AEBP1: variants seen among roughly 807,000 people sequenced by gnomAD.
AEBP1 encodes the protein adipocyte enhancer-binding protein 1.
In AEBP1, 69 loss-of-function variants were observed where a neutral mutation model predicts 116.5. That is an observed-to-expected ratio of 0.59 (90% CI 0.49 to 0.72). The LOEUF is 0.72. Ranked by LOEUF, AEBP1 falls within the 30% of genes least tolerant of loss-of-function variation. The pLI is 0.00. For missense variants in AEBP1, 1,444 were observed against 1,557.5 expected (o/e 0.93, Z 1.23); for synonymous variants, 627 against 627.3 (o/e 1.00, Z 0.01).
Position 44,111,919 on chromosome 7 carries a change from C to G in AEBP1, c.1906C>G (p.Leu636Val), listed in dbSNP as rs763711359. The change falls in exon 16 of 21, where the codon CTG becomes GTG. Residue 636 changes from leucine (L) to valine (V), a missense_variant. Transcript: ENST00000223357. The surrounding 1 kb of genome is among the most constrained non-coding windows in gnomAD (Gnocchi z 4.7). Reference protein sequence around the residue: ...GNEVLGRELLLLLMQYLCREY... With the variant: ...GNEVLGRELLVLLMQYLCREY... Reference sequence around the variant, plus strand: ...CGAGGTGCTGGGCCGAGAGCTGTTGCTGCTGCTCATGCAGTACCTGTGCCG... The same window carrying G: ...CGAGGTGCTGGGCCGAGAGCTGTTGGTGCTGCTCATGCAGTACCTGTGCCG... 6.2e-7 allele frequency: 1 copy of G among 1,613,832 alleles called. No individual in the cohort carries two copies. The highest frequency in any genetic ancestry group is 8.5e-7 in the Non-Finnish European group (1 of 1,180,024).
Position 44,111,612 on chromosome 7 carries a change from C to A in AEBP1, c.1822C>A (p.Pro608Thr). The A allele has an allele frequency of 6.2e-7, 1 of 1,613,102 alleles. No individual in the cohort carries two copies. Among genetic ancestry groups the A allele is most frequent in the South Asian group, 1.1e-5 (1 of 91,050 alleles). The change falls in exon 15 of 21, where the codon CCT becomes ACT. Residue 608 changes from proline (P) to threonine (T), a missense_variant. By Grantham distance (38) the Pro-to-Thr change is conservative. Transcript: ENST00000223357. This position sits in a 1 kb window ranked among gnomAD's most constrained non-coding sequence, Gnocchi z 4.7. ...KIYAMEISDN[P>T]GEHELGEPEF... is the part of the protein sequence containing the mutation. Reference sequence around the variant, plus strand: ...CTATGCCATGGAGATCTCAGACAACCCTGGGGAGCATGAACTGGGTGAGGG... The same window carrying A: ...CTATGCCATGGAGATCTCAGACAACACTGGGGAGCATGAACTGGGTGAGGG...
chr7:44,105,747 T>C (rs2096222335), intron 1 of AEBP1, among the ~76,000 whole-genome samples: 1 of 152,180 alleles, frequency 6.6e-6, no homozygotes, highest in Non-Finnish European at 1.5e-5. Flanking sequence ...CCCCTGGCTG[T>C]CTGCATTTGG....
Position 44,112,235 on chromosome 7 carries a change from G to A in AEBP1, c.2131G>A (p.Gly711Arg), listed in dbSNP as rs760765739. The change falls in exon 17 of 21, where the codon GGA becomes AGA. Residue 711 changes from glycine (G) to arginine (R), a missense_variant. Coordinates refer to ENST00000223357, the MANE Select transcript of AEBP1 (RefSeq NM_001129.5). This position sits in a 1 kb window ranked among gnomAD's most constrained non-coding sequence, Gnocchi z 6.6. ...CCCGGATCTCAACTCTGTGCTCTGG[G>A]GAGCTGAGGAGAGGAAATGGGTCCC... ...DFPDLNSVLW[G>R]AEERKWVPYR... The A allele has an allele frequency of 1.3e-5, 21 of 1,607,936 alleles. No individual in the cohort carries two copies. Among genetic ancestry groups the A allele is most frequent in the Non-Finnish European group, 1.7e-5 (20 of 1,175,286 alleles).
rs945595554 is a variant in AEBP1, at chr7:44,108,901, G to C, written c.943G>C (p.Asp315His). Residue 315 changes from aspartate to histidine, a missense_variant and splice_region_variant, in exon 7 of 21, where the codon GAC (aspartate) becomes CAC (histidine). By Grantham distance (81) the Asp-to-His change is moderately conservative. Coordinates refer to ENST00000223357, the MANE Select transcript of AEBP1 (RefSeq NM_001129.5). This position sits in a 1 kb window ranked among gnomAD's most constrained non-coding sequence, Gnocchi z 5.0. ...CAGCTGGCTCTCCCTCCCCATAGTGGACTATTACTTTGGGCCTCCTCCGCC... is the reference window on the plus strand; with the variant it reads ...CAGCTGGCTCTCCCTCCCCATAGTGCACTATTACTTTGGGCCTCCTCCGCC... ...GYVIPNYDDM[D>H]YYFGPPPPQK... The C allele has an allele frequency of 6.3e-7, 1 of 1,578,346 alleles. No homozygotes were observed. The highest frequency in any genetic ancestry group is 2.3e-5 in the East Asian group (1 of 42,636).
Position 44,107,983 on chromosome 7 carries a change from C to A in AEBP1, c.863-24C>A. 2 of 1,572,674 alleles carry A rather than the reference C, an allele frequency of 1.3e-6. No individual in the cohort carries two copies. Among genetic ancestry groups the A allele is most frequent in the East Asian group, 4.7e-5 (2 of 42,176 alleles). On this transcript the variant is annotated intron_variant, in intron 5 of 20. Coordinates refer to ENST00000223357, the MANE Select transcript of AEBP1 (RefSeq NM_001129.5). This position sits in a 1 kb window ranked among gnomAD's most constrained non-coding sequence, Gnocchi z 4.3. ...GCCATGGCCACGGCGCTCTGGCCCCCTCCTAACCTCCCCGCCTCCCCAGAG... is the reference window on the plus strand; with the variant it reads ...GCCATGGCCACGGCGCTCTGGCCCCATCCTAACCTCCCCGCCTCCCCAGAG...
In AEBP1 at chr7:44,112,761, A is replaced by G; in HGVS notation, c.2421A>G (p.Pro807=). ...AGGTCTCCGAGGCCCAGGAGACTCC[A>G]GACCACGCCATCTTCCGGTGGCTTG... ...EDEVSEAQET[P]DHAIFRWLAI... is the part of the protein sequence containing the mutation. Residue 807 remains proline (P), a synonymous_variant, in exon 18 of 21, where the codon CCA becomes CCG. Coordinates refer to ENST00000223357, the MANE Select transcript of AEBP1 (RefSeq NM_001129.5). The surrounding 1 kb of genome is among the most constrained non-coding windows in gnomAD (Gnocchi z 6.6). 6.2e-7 allele frequency: 1 copy of G among 1,613,150 alleles called. No homozygotes were observed. The highest frequency in any genetic ancestry group is 1.1e-5 in the South Asian group (1 of 91,088).
intron 11 of AEBP1, 46 bp downstream of exon 11, chr7:44,110,392 A>G (rs1226183069): frequency 1.2e-6 from 2 of 1,612,396 alleles, no homozygotes; most frequent in Non-Finnish European, 8.5e-7. Context: ...GAGTGGCTAC[A>G]TAGGCATGGC....
rs770411493 is a variant in AEBP1, at chr7:44,106,541, G to A, written c.254-5G>A. On this transcript the variant is annotated splice_region_variant and splice_polypyrimidine_tract_variant and intron_variant, in intron 1 of 20. Coordinates refer to ENST00000223357, the MANE Select transcript of AEBP1 (RefSeq NM_001129.5). Reference sequence around the variant, plus strand: ...TCATTTGACACGAGTCTGCATCTTGGACAGTGCCTCCGGAAAAGACCAAAG... The same window carrying A: ...TCATTTGACACGAGTCTGCATCTTGAACAGTGCCTCCGGAAAAGACCAAAG... 5.0e-6 allele frequency: 8 copies of A among 1,587,196 alleles called. No individual in the cohort carries two copies. The highest frequency in any genetic ancestry group is 1.9e-5 in the Admixed American group (1 of 52,548).
At position 44,110,141 on chromosome 7, in the gene AEBP1, G is replaced by A. The variant is rs1399817480; in HGVS notation, c.1260+17G>A. 2 of 1,613,116 alleles carry A rather than the reference G, an allele frequency of 1.2e-6. No homozygotes were observed. The highest frequency in any genetic ancestry group is 2.2e-5 in the East Asian group (1 of 44,878). On this transcript the variant is annotated intron_variant, in intron 10 of 20. Transcript: ENST00000223357. The stretch of plus-strand genomic sequence containing the variant: ...AACATGCAGGTGGGCATTGGGATGG[G>A]CCCATCTCCCAACTGGGATAAGGGA...
In AEBP1 at chr7:44,113,530, T is replaced by A; in HGVS notation, c.2810-64T>A. 1 of 1,229,084 alleles carries A rather than the reference T, an allele frequency of 8.1e-7. No individual in the cohort carries two copies. Among genetic ancestry groups the A allele is most frequent in the Admixed American group, 3.2e-5 (1 of 31,280 alleles). 76.1% of individuals were successfully genotyped at this position (1,229,084 alleles called of 1,614,324 possible). A position where few individuals can be genotyped will look rare whatever the true frequency, so the allele number is the denominator to read the frequency against. ...GGGAGGGCGGGGCTGGGGGCAGGACTGAGTGGGAGGGTGGGGGCCTGGGAG... is the reference window on the plus strand; with the variant it reads ...GGGAGGGCGGGGCTGGGGGCAGGACAGAGTGGGAGGGTGGGGGCCTGGGAG... On this transcript the variant is annotated intron_variant, in intron 20 of 20. Transcript: ENST00000223357. The surrounding 1 kb of genome is among the most constrained non-coding windows in gnomAD (Gnocchi z 5.3).
In AEBP1 at chr7:44,113,784, G is replaced by A; in HGVS notation, c.3000G>A (p.Arg1000=). 6.2e-7 allele frequency: 1 copy of A among 1,614,076 alleles called. No homozygotes were observed. The highest frequency in any genetic ancestry group is 8.5e-7 in the Non-Finnish European group (1 of 1,180,006). Residue 1000 remains arginine (R), a synonymous_variant, in exon 21 of 21, where the codon CGG becomes CGA. Transcript: ENST00000223357. This position sits in a 1 kb window ranked among gnomAD's most constrained non-coding sequence, Gnocchi z 5.3. ...AGATCATGGCCATGAACGGGAACCG[G>A]CCTATCCCACACATAGACCCATCGC... ...IREIMAMNGN[R]PIPHIDPSRP... is the part of the protein sequence containing the mutation.
In AEBP1 at chr7:44,113,109, G is replaced by A. The variant is rs768334132; in HGVS notation, c.2688G>A (p.Ala896=). The A allele has an allele frequency of 1.9e-6, 3 of 1,614,050 alleles. No homozygotes were observed. The highest frequency in any genetic ancestry group is 1.1e-5 in the South Asian group (1 of 91,082). The change falls in exon 19 of 21, where the codon GCG becomes GCA. Residue 896 remains alanine (A), a synonymous_variant. Coordinates refer to ENST00000223357, the MANE Select transcript of AEBP1 (RefSeq NM_001129.5). The surrounding 1 kb of genome is among the most constrained non-coding windows in gnomAD (Gnocchi z 5.3). ...LPREWENNKE[A]LLTFMEQVHR... Reference sequence around the variant, plus strand: ...GCGAGTGGGAGAACAACAAGGAGGCGCTGCTCACCTTCATGGAGCAGGTGG... The same window carrying A: ...GCGAGTGGGAGAACAACAAGGAGGCACTGCTCACCTTCATGGAGCAGGTGG...
Position 44,113,160 on chromosome 7 carries a change from AG to A in AEBP1, c.2709+32del. ...GGTGGCTAGGGCAATGCCTGGGGAG[AG>A]GAGGCTGCACAGGCTCCTGGATGGG... On this transcript the variant is annotated intron_variant, in intron 19 of 20. Transcript: ENST00000223357. This position sits in a 1 kb window ranked among gnomAD's most constrained non-coding sequence, Gnocchi z 5.3. 1 of 1,613,420 alleles carries A rather than the reference AG, an allele frequency of 6.2e-7. No individual in the cohort carries two copies. The highest frequency in any genetic ancestry group is 1.1e-5 in the South Asian group (1 of 91,058).
Position 44,113,895 on chromosome 7 carries a change from C to T in AEBP1, c.3111C>T (p.Arg1037=). The T allele has an allele frequency of 6.2e-7, 1 of 1,613,266 alleles. No homozygotes were observed. Among genetic ancestry groups the T allele is most frequent in the Non-Finnish European group, 8.5e-7 (1 of 1,179,968 alleles). Residue 1037 remains arginine (R), a synonymous_variant, in exon 21 of 21, where the codon CGC becomes CGT. Transcript: ENST00000223357. The surrounding 1 kb of genome is among the most constrained non-coding windows in gnomAD (Gnocchi z 5.3). ...TTCGGGCACAGATGCGGCTGCGGCG[C>T]CTCAACGCCACCACCACCCTAGGCC... is the stretch of plus-strand genomic sequence containing the variant. The part of the protein sequence containing the change: ...LRLRAQMRLR[R]LNATTTLGPH...
chr7:44,111,714 G>A lies in AEBP1; in HGVS notation c.1840+84G>A, dbSNP rs761004558. On this transcript the variant is annotated intron_variant, in intron 15 of 20. Coordinates refer to ENST00000223357, the MANE Select transcript of AEBP1 (RefSeq NM_001129.5). This position sits in a 1 kb window ranked among gnomAD's most constrained non-coding sequence, Gnocchi z 4.7. ...CTCCCGCCTGTTCCGGAGCCTCTCTGGGGATTCTGGCTTGTCTTACAGGGC... is the reference window on the plus strand; with the variant it reads ...CTCCCGCCTGTTCCGGAGCCTCTCTAGGGATTCTGGCTTGTCTTACAGGGC... The A allele has an allele frequency of 5.1e-6, 8 of 1,578,458 alleles. No homozygotes were observed. In the African/African-American group the frequency reaches 1.1e-4, roughly 21 times the overall value.
At chr7:44,106,940 G>A (rs1373481384) in intron 2 of AEBP1, 53 bp downstream of exon 2, 14 of 1,375,422 alleles carry the variant, frequency 1.0e-5, no homozygotes, top group South Asian at 3.0e-5. Flanking sequence ...TGCTCGGGTG[G>A]AGGCAGGGAG....
In AEBP1 at chr7:44,113,272, G is replaced by A. The variant is rs766385026; in HGVS notation, c.2730G>A (p.Gly910=). ...FMEQVHRGIK[G]VVTDEQGIPI... is the part of the protein sequence containing the mutation. ...CCTAGGTGCACCGCGGCATTAAGGG[G>A]GTGGTGACGGACGAGCAAGGCATCC... is the stretch of plus-strand genomic sequence containing the variant. Residue 910 remains glycine, a synonymous_variant, in exon 20 of 21, where the codon GGG becomes GGA. Coordinates refer to ENST00000223357, the MANE Select transcript of AEBP1 (RefSeq NM_001129.5). This position sits in a 1 kb window ranked among gnomAD's most constrained non-coding sequence, Gnocchi z 5.3. 2.5e-6 allele frequency: 4 copies of A among 1,613,800 alleles called. No homozygotes were observed. The East Asian group carries it at 8.9e-5, about 36-fold the overall frequency.
In AEBP1 at chr7:44,109,340, C is replaced by G; in HGVS notation, c.1149C>G (p.Val383=). 6.4e-7 allele frequency: 1 copy of G among 1,557,474 alleles called. No individual in the cohort carries two copies. Among genetic ancestry groups the G allele is most frequent in the Non-Finnish European group, 8.7e-7 (1 of 1,150,712 alleles). Residue 383 remains valine, a splice_region_variant and synonymous_variant, in exon 9 of 21, where the codon GTC becomes GTG. Transcript: ENST00000223357. ...LEEEWTPTEK[V]KCPPIGMESH... is the part of the protein sequence containing the mutation. ...AGGAGTGGACGCCTACGGAGAAAGTCAGTAAGTGGGGGGCACAAGGGGGTG... is the reference window on the plus strand; with the variant it reads ...AGGAGTGGACGCCTACGGAGAAAGTGAGTAAGTGGGGGGCACAAGGGGGTG...
At position 44,110,351 on chromosome 7, in the gene AEBP1, G is replaced by A. The variant is rs748312755; in HGVS notation, c.1400+5G>A. On this transcript the variant is annotated splice_donor_5th_base_variant and intron_variant, in intron 11 of 20. Transcript: ENST00000223357. Reference sequence around the variant, plus strand: ...GGGCAGAGACTCCAGCATCCAGTGCGTGGCCAGGCTCATGGATAGTTGGCA... The same window carrying A: ...GGGCAGAGACTCCAGCATCCAGTGCATGGCCAGGCTCATGGATAGTTGGCA... The A allele has an allele frequency of 4.3e-6, 7 of 1,613,660 alleles. No individual in the cohort carries two copies. Among genetic ancestry groups the A allele is most frequent in the East Asian group, 2.2e-5 (1 of 44,894 alleles).
Sources: gnomAD v4.1 joint callset for allele counts (sites outside exome capture counted in the v4.1 genomes callset) on GRCh38, gnomAD v4.1.1 for gene constraint, Gnocchi (gnomAD v3.1) non-coding constraint, MANE v1.5 for transcripts, NCBI Gene and HGNC (gene_info 2026-07-23, HGNC 2026-07-21) for gene names.